The following ATP7B variants were observed in gnomAD, a reference collection of about 807,000 sequenced individuals.
ATP7B encodes copper-transporting ATPase 2.
ATP7B carries 113 observed loss-of-function variants against 118.9 expected under a neutral mutation model. The observed-to-expected ratio is 0.95, with a 90% CI of 0.82 to 1.11. The LOEUF is 1.11. Ranked by LOEUF, ATP7B falls within the 50% of genes most tolerant of loss-of-function variation. The pLI is 0.00. For missense variants in ATP7B, 1,867 were observed against 1,871.4 expected (o/e 1.00, Z 0.04); for synonymous variants, 777 against 727.4 (o/e 1.07, Z -1.10).
intron 1 of ATP7B, among the ~76,000 whole-genome samples, chr13:51,982,268 T>C (rs80341451): frequency 0.021 from 3,266 of 152,352 alleles, 102 homozygotes; most frequent in African/African-American, 0.072. Flanking sequence ...TTCACATATA[T>C]TTGTTTAAAT....
chr13:51,992,979 CAAAAAAAAA>C (rs58319382), intron 1 of ATP7B, among the ~76,000 whole-genome samples: 51 of 62,948 alleles, frequency 8.1e-4, no homozygotes, highest in African/African-American at 3.7e-3. Flanking sequence ...GACTCTGTCT[CAAAAAAAAA>C]AAAAAAAAAA....
chr13:51,943,092 C>T (rs948437716), intron 14 of ATP7B, among the ~76,000 whole-genome samples: 3 of 152,122 alleles, frequency 2.0e-5, no homozygotes, highest in East Asian at 1.9e-4. Context: ...CTGGACTGCC[C>T]GTCCTCCCCC....
At chr13:51,978,346 T>C (rs1952228618) in intron 1 of ATP7B, among the ~76,000 whole-genome samples, 1 of 152,212 alleles carries the variant, frequency 6.6e-6, no homozygotes, top group African/African-American at 2.4e-5. Flanking sequence ...ATATGGTTTT[T>C]AAAATACATG....
At chr13:52,001,796 A>T (rs1201101266) in intron 1 of ATP7B, among the ~76,000 whole-genome samples, 2 of 149,316 alleles carry the variant, frequency 1.3e-5, no homozygotes, top group Non-Finnish European at 3.0e-5. Context: ...AATCCTTCAC[A>T]TTTTTTTTTT....
Position 51,974,615 on chromosome 13 carries a change from T to C in ATP7B, c.605A>G (p.Asn202Ser). The C allele has an allele frequency of 6.2e-7, 1 of 1,613,588 alleles. No homozygotes were observed. Among genetic ancestry groups the C allele is most frequent in the Non-Finnish European group, 8.5e-7 (1 of 1,179,712 alleles). ...GATGGCAGCTTCAAATCCCATGTCA[T>C]TTACATGGTCCCTGAGGTCTTCGGG... The part of the protein sequence containing the change: ...IQPEDLRDHV[N>S]DMGFEAAIKS... Residue 202 changes from asparagine (N) to serine (S), a missense_variant, in exon 2 of 21, where the codon AAT becomes AGT. Transcript: ENST00000242839.
chr13:51,977,304 A>G (rs1225697608), intron 1 of ATP7B, among the ~76,000 whole-genome samples: 1 of 151,130 alleles, frequency 6.6e-6, no homozygotes, highest in Non-Finnish European at 1.5e-5. Context: ...GGACAGCTTT[A>G]TCAAATATTT....
intron 1 of ATP7B, among the ~76,000 whole-genome samples, chr13:51,986,744 T>G (rs1180408688): frequency 6.6e-6 from 1 of 152,180 alleles, no homozygotes; most frequent in East Asian, 1.9e-4. Flanking sequence ...ATCCCTAGGA[T>G]GCAGCAAGGC....
At chr13:51,965,157 C>T (rs953872629) in intron 4 of ATP7B, 124 bp from the exon 5 acceptor site, 5 of 1,199,628 alleles carry the variant, frequency 4.2e-6, no homozygotes, top group African/African-American at 3.0e-5. Context: ...GCTCTCAAGA[C>T]CCTGGACTCC....
At chr13:51,967,861 T>C (rs1220099105) in intron 4 of ATP7B, among the ~76,000 whole-genome samples, 1 of 152,214 alleles carries the variant, frequency 6.6e-6, no homozygotes, top group African/African-American at 2.4e-5. Context: ...CATCCATTGT[T>C]TTCAATAATG....
intron 1 of ATP7B, among the ~76,000 whole-genome samples, chr13:51,980,970 C>T (rs1952384372): frequency 6.6e-6 from 1 of 152,164 alleles, no homozygotes; most frequent in Admixed American, 6.5e-5. Flanking sequence ...CATATGCACG[C>T]AGATCCAATA....
intron 1 of ATP7B, among the ~76,000 whole-genome samples, chr13:52,008,094 C>T (rs1169013147): frequency 6.6e-6 from 1 of 151,708 alleles, no homozygotes; most frequent in African/African-American, 2.4e-5. Context: ...GTAATTCCAA[C>T]ACTTTGGGAG....
chr13:51,955,024 C>T (rs76930122), intron 9 of ATP7B, among the ~76,000 whole-genome samples: 2 of 152,180 alleles, frequency 1.3e-5, no homozygotes, highest in Non-Finnish European at 2.9e-5. Context: ...GTGTGCCAGA[C>T]GGATCGCACC....
intron 1 of ATP7B, among the ~76,000 whole-genome samples, chr13:51,982,428 A>T (rs907355220): frequency 1.6e-4 from 25 of 152,186 alleles, no homozygotes; most frequent in African/African-American, 6.0e-4. Flanking sequence ...CACAGGGCAC[A>T]TGTATGCTTT....
chr13:51,942,013 CT>C (rs1194218558), intron 15 of ATP7B, among the ~76,000 whole-genome samples: 2 of 152,184 alleles, frequency 1.3e-5, no homozygotes, highest in African/African-American at 2.4e-5. Context: ...CTTTCCCTGA[CT>C]TTTTCTGCCT....
chr13:51,974,336 T>C lies in ATP7B; in HGVS notation c.884A>G (p.Lys295Arg), dbSNP rs1053172875. ...AGGGTCATACTTTACTTGGGCAGTTTTGTTCTCCAAGGACACTTGAATACT... is the reference window on the plus strand; with the variant it reads ...AGGGTCATACTTTACTTGGGCAGTTCTGTTCTCCAAGGACACTTGAATACT... ...VQSIQVSLEN[K>R]TAQVKYDPSC... The change falls in exon 2 of 21, where the codon AAA becomes AGA. Residue 295 changes from lysine (K) to arginine (R), a missense_variant. Transcript: ENST00000242839. 2.5e-6 allele frequency: 4 copies of C among 1,613,984 alleles called. No individual in the cohort carries two copies. In the African/African-American group the frequency reaches 5.3e-5, roughly 22 times the overall value.
Position 51,934,492 on chromosome 13 carries a change from A to G in ATP7B, c.*264T>C, listed in dbSNP as rs1287418121. The stretch of plus-strand genomic sequence containing the variant: ...GGGTGACTCGCCTCTCACCTTCTAC[A>G]GTCCAGCCAAGGACTAGAGTCCAAG... On this transcript the variant is annotated 3_prime_UTR_variant, in exon 21 of 21. Transcript: ENST00000242839. 3 of 541,924 alleles carry G rather than the reference A, an allele frequency of 5.5e-6. No homozygotes were observed. Among genetic ancestry groups the G allele is most frequent in the Non-Finnish European group, 1.0e-5 (3 of 300,706 alleles). The allele number at this position is 541,924 out of a possible 1,614,324, so 33.6% of individuals were successfully genotyped here.
At chr13:51,960,075 G>A (rs143925196) in intron 7 of ATP7B, 73 bp downstream of exon 7, 17 of 1,546,622 alleles carry the variant, frequency 1.1e-5, no homozygotes, top group African/African-American at 5.5e-5. Flanking sequence ...CTATGTTTGC[G>A]CTTAGCGGGC....
At chr13:51,951,445 G>A (rs769536756) in intron 9 of ATP7B, among the ~76,000 whole-genome samples, 1 of 152,120 alleles carries the variant, frequency 6.6e-6, no homozygotes, top group Non-Finnish European at 1.5e-5. Context: ...TGACTTCCAC[G>A]TAGAAATGCC....
intron 1 of ATP7B, among the ~76,000 whole-genome samples, chr13:51,980,462 A>G (rs1952360118): frequency 6.6e-6 from 1 of 152,222 alleles, no homozygotes; most frequent in Non-Finnish European, 1.5e-5. Flanking sequence ...ATTTGCTGAG[A>G]GTGCCAGGGC....
Sources: gnomAD v4.1 joint callset for allele counts (sites outside exome capture counted in the v4.1 genomes callset) on GRCh38, gnomAD v4.1.1 for gene constraint, MANE v1.5 for transcripts, NCBI Gene and HGNC (gene_info 2026-07-23, HGNC 2026-07-21) for gene names.